B4GALT1: variants seen among roughly 807,000 people sequenced by gnomAD.
The protein encoded by B4GALT1 is N-acetyllactosamine synthase.
In B4GALT1, 16 loss-of-function variants were observed where a neutral mutation model predicts 34.9. The ratio of observed to expected loss-of-function variants is 0.46; its 90% CI spans 0.31 to 0.70. The LOEUF is 0.70. B4GALT1 is among the 30% of genes least tolerant of loss of function. The pLI is 0.05. For synonymous variants in B4GALT1, 221 were observed against 218.1 expected, an observed-to-expected ratio of 1.01 and a Z score of -0.12; for missense variants, 445 against 530.5, an observed-to-expected ratio of 0.84 and a Z score of 1.58.
chr9:33,113,715 G>A (rs779400552), intron 5 of B4GALT1, 59 bp downstream of exon 5: 7 of 1,608,434 alleles, frequency 4.4e-6, no homozygotes, highest in South Asian at 1.1e-5. Flanking sequence ...CCAGAGCCTC[G>A]GACCTGCAGC....
intron 1 of B4GALT1, among the ~76,000 whole-genome samples, chr9:33,147,964 T>C (rs1840453507): frequency 6.6e-6 from 1 of 151,934 alleles, no homozygotes; most frequent in Non-Finnish European, 1.5e-5. Flanking sequence ...AGCCCAGGAT[T>C]GCGAGGCCAC....
chr9:33,143,293 T>A (rs1256425819), intron 1 of B4GALT1, among the ~76,000 whole-genome samples: 1 of 152,226 alleles, frequency 6.6e-6, no homozygotes, highest in East Asian at 1.9e-4. Context: ...GAAACAGTCC[T>A]GCCACATGCC....
chr9:33,105,501 G>C (rs1587722549), intron 2 of B4GALT1, among the ~76,000 whole-genome samples: 1 of 152,184 alleles, frequency 6.6e-6, no homozygotes, highest in Non-Finnish European at 1.5e-5. Flanking sequence ...CGGGGGCAGA[G>C]TGCCAATGTA....
intron 2 of B4GALT1, among the ~76,000 whole-genome samples, chr9:33,126,554 G>A (rs1840098851): frequency 3.0e-5 from 1 of 33,524 alleles, no homozygotes; most frequent in African/African-American, 6.8e-5. Flanking sequence ...AGCTGGGACT[G>A]TTAGCACATG....
chr9:33,154,032 AG>A (rs1209221922), intron 1 of B4GALT1, among the ~76,000 whole-genome samples: 7 of 19,982 alleles, frequency 3.5e-4, no homozygotes, highest in Non-Finnish European at 5.2e-4. Flanking sequence ...GAAGGAAGGA[AG>A]GGAGGGAGGG....
chr9:33,177,801 T>C, the B4GALT1 span, among the ~76,000 whole-genome samples: 2 of 152,266 alleles, frequency 1.3e-5, no homozygotes, highest in East Asian at 3.9e-4. Flanking sequence ...GAGGTACAAA[T>C]GACCTTACTC....
At chr9:33,120,396 G>A in intron 3 of B4GALT1, 23 bp downstream of exon 3, 1 of 1,611,752 alleles carries the variant, frequency 6.2e-7, no homozygotes, top group Admixed American at 1.7e-5. Context: ...GTTTACCACA[G>A]ATTCTGACTG....
Position 33,113,766 on chromosome 9 carries a change from G to C in B4GALT1, c.1064+8C>G. The C allele has an allele frequency of 6.2e-7, 1 of 1,614,002 alleles. No homozygotes were observed. Among genetic ancestry groups the C allele is most frequent in the Admixed American group, 1.7e-5 (1 of 60,024 alleles). Reference sequence around the variant, plus strand: ...GGGGGAAGGAGTATGAATAAACAAAGAATGCACCTCTGAGGATTGGGTTCA... The same window carrying C: ...GGGGGAAGGAGTATGAATAAACAAACAATGCACCTCTGAGGATTGGGTTCA... On this transcript the variant is annotated splice_region_variant and intron_variant, in intron 5 of 5. Coordinates refer to ENST00000379731, the MANE Select transcript of B4GALT1 (RefSeq NM_001497.4).
At chr9:33,177,214 C>T in the B4GALT1 span, among the ~76,000 whole-genome samples, 1 of 152,198 alleles carries the variant, frequency 6.6e-6, no homozygotes, top group African/African-American at 2.4e-5. Flanking sequence ...ATTATTTTCT[C>T]TTATCCATGT....
intron 2 of B4GALT1, among the ~76,000 whole-genome samples, chr9:33,121,572 G>A (rs10813948): frequency 0.38 from 55,532 of 146,418 alleles, 11,065 homozygotes; most frequent in East Asian, 0.6. Flanking sequence ...TGGGTTTCAC[G>A]TTGGCCAGGC....
chr9:33,156,508 T>G (rs1840596174), intron 1 of B4GALT1, among the ~76,000 whole-genome samples: 1 of 152,210 alleles, frequency 6.6e-6, no homozygotes. Flanking sequence ...TCAGTGGGCT[T>G]CTGAATCTAC....
intron 1 of B4GALT1, among the ~76,000 whole-genome samples, chr9:33,161,428 CG>C (rs1279238351): frequency 4.6e-5 from 7 of 152,168 alleles, no homozygotes; most frequent in African/African-American, 1.7e-4. Flanking sequence ...TCAGCTCACC[CG>C]GCAATGGCCC....
At chr9:33,146,224 C>T (rs1249620215) in intron 1 of B4GALT1, among the ~76,000 whole-genome samples, 1 of 152,210 alleles carries the variant, frequency 6.6e-6, no homozygotes, top group Non-Finnish European at 1.5e-5. Flanking sequence ...TCACTCCTTC[C>T]GCTGGAATTT....
intron 2 of B4GALT1, among the ~76,000 whole-genome samples, chr9:33,105,422 T>G (rs1220384736): frequency 2.6e-5 from 4 of 152,192 alleles, no homozygotes; most frequent in Non-Finnish European, 4.4e-5. Flanking sequence ...ATTACAGACA[T>G]GAGCCACCAA....
At chr9:33,162,648 T>C (rs1284468281) in intron 1 of B4GALT1, among the ~76,000 whole-genome samples, 4 of 152,192 alleles carry the variant, frequency 2.6e-5, no homozygotes, top group African/African-American at 9.7e-5. Context: ...GGAAGAGCAC[T>C]AGACAATCCC....
downstream of B4GALT1, among the ~76,000 whole-genome samples, chr9:33,108,293 C>T (rs1471129422): frequency 5.9e-5 from 9 of 151,898 alleles, no homozygotes; most frequent in Admixed American, 5.9e-4. Context: ...AGTGAGATCC[C>T]TGTCTCTAAA....
At chr9:33,104,207 T>C in exon 3 of B4GALT1, 1 of 152,836 alleles carries the variant, frequency 6.5e-6, no homozygotes, top group Non-Finnish European at 1.5e-5. Context: ...TAACATGGAG[T>C]TCAGGCTCTG....
the B4GALT1 span, among the ~76,000 whole-genome samples, chr9:33,177,940 G>T: frequency 3.3e-5 from 5 of 151,830 alleles, no homozygotes; most frequent in African/African-American, 1.2e-4. Context: ...CATTGCAGCT[G>T]GGTTCTCAGA....
intron 3 of B4GALT1, among the ~76,000 whole-genome samples, chr9:33,119,781 G>A (rs1265610282): frequency 1.3e-5 from 2 of 152,124 alleles, no homozygotes; most frequent in Non-Finnish European, 2.9e-5. Context: ...TTCAGTGGGG[G>A]AAAACTATTC....
Sources: gnomAD v4.1 joint callset for allele counts (sites outside exome capture counted in the v4.1 genomes callset) on GRCh38, gnomAD v4.1.1 for gene constraint, MANE v1.5 for transcripts, NCBI Gene and HGNC (gene_info 2026-07-23, HGNC 2026-07-21) for gene names.